Variants in PKD2 observed in about 807,000 individuals in gnomAD.
PKD2 encodes polycystin-2.
A neutral mutation model predicts 105.9 loss-of-function variants in PKD2; 48 were observed. The ratio of observed to expected loss-of-function variants is 0.45; its 90% CI spans 0.36 to 0.58. The LOEUF (loss-of-function observed/expected upper bound fraction) is 0.58, where lower values mean the gene tolerates loss of function less well. Among genes scored for constraint, PKD2 ranks in the 20% least tolerant of loss-of-function variants. PKD2 has a pLI of 0.00. For missense variants in PKD2, 1,078 were observed against 1,255.3 expected (o/e 0.86, Z 2.13); for synonymous variants, 464 against 481.1 (o/e 0.96, Z 0.46).
intron 1 of PKD2, among the ~76,000 whole-genome samples, chr4:88,015,433 G>A (rs1302846640): frequency 6.6e-6 from 1 of 152,200 alleles, no homozygotes; most frequent in Non-Finnish European, 1.5e-5. Flanking sequence ...TATTTATTTA[G>A]ACGGAGTTTC....
intron 7 of PKD2, among the ~76,000 whole-genome samples, chr4:88,053,780 A>C (rs1720204043): frequency 6.6e-6 from 1 of 152,236 alleles, no homozygotes; most frequent in African/African-American, 2.4e-5. Flanking sequence ...AGTAATAATA[A>C]TCAAACAGCA....
In PKD2 at chr4:88,021,668, GTTCAT is replaced by G. The variant is rs1322426358; in HGVS notation, c.709+2105_709+2109del. On this transcript the variant is annotated intron_variant, in intron 2 of 14. Transcript: ENST00000237596. Reference sequence around the variant, plus strand: ...TTAAGGGACTTACTTCTTTGAAATCGTTCATTTCATTTTTCTACAGCTATGTTAGA... The same window carrying G: ...TTAAGGGACTTACTTCTTTGAAATCGTTCATTTTTCTACAGCTATGTTAGA... 2.6e-5 allele frequency among the ~76,000 whole-genome samples: 4 copies of G among 152,202 alleles called. No individual in the cohort carries two copies. In the East Asian group the frequency reaches 5.8e-4, roughly 22 times the overall value.
intron 3 of PKD2, among the ~76,000 whole-genome samples, chr4:88,036,961 G>A (rs978463080): frequency 2.0e-5 from 3 of 152,106 alleles, no homozygotes; most frequent in Non-Finnish European, 4.4e-5. Context: ...GGGCTTGGTG[G>A]CTCACGCCTG....
chr4:88,054,640 C>T (rs1720251419), intron 7 of PKD2, among the ~76,000 whole-genome samples: 1 of 143,446 alleles, frequency 7.0e-6, no homozygotes, highest in African/African-American at 2.6e-5. Flanking sequence ...AGGCAGGGAT[C>T]ATGACTCTAC....
Position 88,052,022 on chromosome 4 carries a change from A to G in PKD2, c.1580A>G (p.Tyr527Cys), listed in dbSNP as rs754868200. Residue 527 changes from tyrosine to cysteine, a missense_variant, in exon 7 of 15, where the codon TAC becomes TGC. Tyr to Cys is a radical substitution (Grantham distance 194). Transcript: ENST00000237596. The stretch of plus-strand genomic sequence containing the variant: ...GTGGTAGCTATAGGAATTAACATAT[A>G]CAGAACATCAAATGTGGAGGTGCTA... ...LSVVAIGINI[Y>C]RTSNVEVLLQ... 1.3e-5 allele frequency: 20 copies of G among 1,597,956 alleles called. No individual in the cohort carries two copies. Among genetic ancestry groups the G allele is most frequent in the Non-Finnish European group, 1.7e-5 (20 of 1,165,740 alleles).
rs150019283 is a variant in PKD2, at chr4:88,072,921, A to T, written c.2523-1891A>T. On this transcript the variant is annotated intron_variant, in intron 13 of 14. Coordinates refer to ENST00000237596, the MANE Select transcript of PKD2 (RefSeq NM_000297.4). ...GTGGGTTGTGTATACCTGTAATCCC[A>T]GCTACTCGGGAGCCTGAAGTGGGAG... Among the ~76,000 whole-genome samples the T allele has an allele frequency of 2.0e-3, 306 of 152,038 alleles. 1 individual carries two copies. The highest frequency in any genetic ancestry group is 0.017 in the Middle Eastern group (5 of 294).
intron 1 of PKD2, among the ~76,000 whole-genome samples, chr4:88,013,522 G>C (rs906103743): frequency 6.6e-6 from 1 of 152,116 alleles, no homozygotes; most frequent in African/African-American, 2.4e-5. Flanking sequence ...GCTACCCTGG[G>C]CAACATAGTG....
At chr4:88,053,002 T>C (rs1720167830) in intron 7 of PKD2, among the ~76,000 whole-genome samples, 5 of 152,158 alleles carry the variant, frequency 3.3e-5, no homozygotes. Flanking sequence ...GGTTATGACA[T>C]TTCATATACA....
Position 88,066,550 on chromosome 4 carries a change from T to C in PKD2, c.2358+671T>C, listed in dbSNP as rs563980167. 5.3e-5 allele frequency among the ~76,000 whole-genome samples: 8 copies of C among 152,106 alleles called. No individual in the cohort carries two copies. In the South Asian group the frequency reaches 1.0e-3, roughly 20 times the overall value. On this transcript the variant is annotated intron_variant, in intron 12 of 14. Coordinates refer to ENST00000237596, the MANE Select transcript of PKD2 (RefSeq NM_000297.4). The stretch of plus-strand genomic sequence containing the variant: ...CTAATTTTTGTATTTGTAGTAGATA[T>C]GGGGTTTCACCATGTTGGTCTCAAA...
At chr4:88,030,684 C>T (rs1274159797) in intron 2 of PKD2, among the ~76,000 whole-genome samples, 6 of 152,244 alleles carry the variant, frequency 3.9e-5, no homozygotes, top group Admixed American at 3.9e-4. Context: ...CCGGCCCCCT[C>T]CTTCGAGTTG....
At chr4:88,038,862 A>T (rs894842964) in intron 4 of PKD2, among the ~76,000 whole-genome samples, 3 of 152,208 alleles carry the variant, frequency 2.0e-5, no homozygotes, top group Admixed American at 2.0e-4. Flanking sequence ...TTTCTGGTTC[A>T]GGAACTCTTT....
intron 2 of PKD2, among the ~76,000 whole-genome samples, chr4:88,023,153 A>G (rs977758676): frequency 2.6e-5 from 4 of 152,144 alleles, no homozygotes; most frequent in African/African-American, 9.7e-5. Context: ...AAGAAAAGAG[A>G]TTTATTTGCC....
intron 2 of PKD2, among the ~76,000 whole-genome samples, chr4:88,033,388 C>G (rs1727228024): frequency 6.6e-6 from 1 of 151,006 alleles, no homozygotes; most frequent in African/African-American, 2.4e-5. Context: ...GATGGTGCCA[C>G]TGCACTCCAG....
chr4:88,008,431 C>T, intron 1 of PKD2, 103 bp downstream of exon 1: 1 of 1,384,936 alleles, frequency 7.2e-7, no homozygotes, highest in Non-Finnish European at 9.5e-7. Flanking sequence ...CATCTCGCAT[C>T]CCCTCTGCGT....
chr4:88,035,017 T>A (rs1042687420), intron 2 of PKD2, among the ~76,000 whole-genome samples: 3 of 152,160 alleles, frequency 2.0e-5, no homozygotes, highest in African/African-American at 7.2e-5. Context: ...TATTGAACAT[T>A]TGTTAAGTGT....
At chr4:88,013,080 T>C (rs1726442039) in intron 1 of PKD2, among the ~76,000 whole-genome samples, 1 of 152,220 alleles carries the variant, frequency 6.6e-6, no homozygotes, top group East Asian at 1.9e-4. Context: ...GTTGTGACTT[T>C]CCGTTTATTT....
At chr4:88,032,361 GGTT>G (rs1727190843) in intron 2 of PKD2, among the ~76,000 whole-genome samples, 1 of 152,196 alleles carries the variant, frequency 6.6e-6, no homozygotes, top group African/African-American at 2.4e-5. Context: ...GCAGGTTGGT[GGTT>G]GTTAAGGCAC....
chr4:88,019,705 C>G, intron 2 of PKD2, 134 bp downstream of exon 2: 1 of 681,944 alleles, frequency 1.5e-6, no homozygotes. Context: ...GTTTTTAATT[C>G]TAATATTTTT....
intron 6 of PKD2, among the ~76,000 whole-genome samples, chr4:88,048,235 A>G (rs1206511599): frequency 6.6e-6 from 1 of 152,180 alleles, no homozygotes; most frequent in Non-Finnish European, 1.5e-5. Context: ...CCCTATTAGC[A>G]TTCTCTCTTC....
Sources: gnomAD v4.1 joint callset for allele counts (sites outside exome capture counted in the v4.1 genomes callset) on GRCh38, gnomAD v4.1.1 for gene constraint, MANE v1.5 for transcripts, NCBI Gene and HGNC (gene_info 2026-07-23, HGNC 2026-07-21) for gene names.